Variants in RIT2 observed in about 807,000 individuals in gnomAD.
The protein encoded by RIT2 is Ras like without CAAX 2.
In RIT2, 24 loss-of-function variants were observed where a neutral mutation model predicts 23.7. That is an observed-to-expected ratio of 1.01 (90% CI 0.73 to 1.43). RIT2 has a LOEUF of 1.43. Among genes scored for constraint, RIT2 ranks in the 40% most tolerant of loss-of-function variants. RIT2 has a pLI of 0.00. For synonymous variants in RIT2, 107 were observed against 91.1 expected (o/e 1.17, Z -0.99); for missense variants, 236 against 266.9 (o/e 0.88, Z 0.81).
At chr18:43,051,696 G>A (rs1598762504) in intron 1 of RIT2, among the ~76,000 whole-genome samples, 1 of 152,148 alleles carries the variant, frequency 6.6e-6, no homozygotes, top group African/African-American at 2.4e-5. Flanking sequence ...ATAATTAAAT[G>A]AGTGAATATT....
intron 4 of RIT2, among the ~76,000 whole-genome samples, chr18:42,768,297 G>A (rs9953581): frequency 0.25 from 37,949 of 151,924 alleles, 5,361 homozygotes; most frequent in East Asian, 0.44. Flanking sequence ...GCAGGCTCAA[G>A]TGCTGGCCTC....
intron 3 of RIT2, among the ~76,000 whole-genome samples, chr18:42,949,643 C>T (rs1909804757): frequency 6.6e-6 from 1 of 152,062 alleles, no homozygotes; most frequent in Non-Finnish European, 1.5e-5. Flanking sequence ...CCTTCCTCAG[C>T]TCTATTTAAC....
chr18:42,967,285 G>T (rs1009262352), intron 3 of RIT2, among the ~76,000 whole-genome samples: 11 of 152,002 alleles, frequency 7.2e-5, no homozygotes, highest in African/African-American at 1.9e-4. Flanking sequence ...ATCTTTCACA[G>T]TTGATGGTCT....
intron 4 of RIT2, among the ~76,000 whole-genome samples, chr18:42,811,051 G>T (rs540848599): frequency 2.9e-4 from 44 of 152,120 alleles, no homozygotes; most frequent in African/African-American, 1.1e-3. Flanking sequence ...GAAATGTGCA[G>T]AAAATTATAG....
chr18:43,013,885 C>T (rs902018875), intron 2 of RIT2, among the ~76,000 whole-genome samples: 1 of 151,692 alleles, frequency 6.6e-6, no homozygotes, highest in South Asian at 2.1e-4. Flanking sequence ...CTTTATGGTT[C>T]CCCAGCTCTA....
At chr18:43,008,092 T>G (rs889330815) in intron 2 of RIT2, among the ~76,000 whole-genome samples, 5 of 151,668 alleles carry the variant, frequency 3.3e-5, no homozygotes. Flanking sequence ...AATCTGAATG[T>G]GGCTAAATCT....
chr18:42,936,580 C>G (rs1378423254), intron 3 of RIT2, among the ~76,000 whole-genome samples: 1 of 152,156 alleles, frequency 6.6e-6, no homozygotes, highest in African/African-American at 2.4e-5. Flanking sequence ...TTTCCTGACT[C>G]CTGTTCATTC....
At chr18:43,052,272 A>G (rs1305060244) in intron 1 of RIT2, among the ~76,000 whole-genome samples, 1 of 152,146 alleles carries the variant, frequency 6.6e-6, no homozygotes, top group Admixed American at 6.6e-5. Flanking sequence ...CACTTAAATC[A>G]TTATAAAAAT....
chr18:42,910,246 A>T (rs558937352), intron 4 of RIT2, among the ~76,000 whole-genome samples: 1 of 152,290 alleles, frequency 6.6e-6, no homozygotes, highest in Non-Finnish European at 1.5e-5. Context: ...CATAGGCCCT[A>T]ATCTATCAGT....
intron 1 of RIT2, among the ~76,000 whole-genome samples, chr18:43,078,481 A>G (rs11877437): frequency 0.16 from 24,463 of 152,248 alleles, 2,112 homozygotes; most frequent in South Asian, 0.21. Flanking sequence ...TCTGAATTCC[A>G]AAACATTTAG....
intron 1 of RIT2, among the ~76,000 whole-genome samples, chr18:43,054,827 T>TGTTATGTA (rs1468463029): frequency 1.3e-5 from 2 of 152,110 alleles, no homozygotes; most frequent in Non-Finnish European, 2.9e-5. Flanking sequence ...ATTCTGTTAC[T>TGTTATGTA]CCCATGACGC....
chr18:43,036,292 C>T (rs896683672), intron 1 of RIT2, among the ~76,000 whole-genome samples: 9 of 152,170 alleles, frequency 5.9e-5, no homozygotes, highest in Non-Finnish European at 1.5e-5. Context: ...GTAATCCTAG[C>T]GCTTTGGGAG....
At chr18:42,810,661 C>T (rs1905826093) in intron 4 of RIT2, among the ~76,000 whole-genome samples, 1 of 151,844 alleles carries the variant, frequency 6.6e-6, no homozygotes, top group Admixed American at 6.6e-5. Flanking sequence ...TTCAAAAACC[C>T]CTACCTATGA....
intron 4 of RIT2, among the ~76,000 whole-genome samples, chr18:42,771,975 TA>T (rs1475612414): frequency 5.4e-4 from 82 of 152,236 alleles, no homozygotes; most frequent in African/African-American, 1.8e-3. Flanking sequence ...ATCACTCTAA[TA>T]GGGTCAGGGT....
At chr18:43,110,291 A>C (rs1913923993) in intron 1 of RIT2, among the ~76,000 whole-genome samples, 1 of 152,036 alleles carries the variant, frequency 6.6e-6, no homozygotes, top group South Asian at 2.1e-4. Context: ...AAATCAGTAA[A>C]ATAAAAACCT....
At chr18:42,751,069 C>T (rs1666845622) in intron 4 of RIT2, among the ~76,000 whole-genome samples, 1 of 151,718 alleles carries the variant, frequency 6.6e-6, no homozygotes, top group Non-Finnish European at 1.5e-5. Flanking sequence ...AATAGAGAAC[C>T]TGGAAAAAGA....
chr18:42,844,936 T>C (rs954647307), intron 4 of RIT2, among the ~76,000 whole-genome samples: 3 of 152,124 alleles, frequency 2.0e-5, no homozygotes, highest in African/African-American at 7.2e-5. Flanking sequence ...ATTGTACAAG[T>C]GGACAATGAA....
At chr18:42,991,532 C>T (rs1401468427) in intron 2 of RIT2, among the ~76,000 whole-genome samples, 1 of 152,166 alleles carries the variant, frequency 6.6e-6, no homozygotes, top group Non-Finnish European at 1.5e-5. Flanking sequence ...GCCATCATAT[C>T]CCCTGTGACC....
At chr18:42,790,281 T>C (rs1772204864) in intron 4 of RIT2, among the ~76,000 whole-genome samples, 1 of 152,172 alleles carries the variant, frequency 6.6e-6, no homozygotes. Context: ...CCTCTTGTGT[T>C]TCCTATTCAA....
Sources: allele counts gnomAD v4.1 joint callset (sites outside exome capture counted in the v4.1 genomes callset), GRCh38; gene constraint gnomAD v4.1.1; transcripts MANE v1.5; gene names NCBI Gene and HGNC (gene_info 2026-07-23, HGNC 2026-07-21).